The following MCPH1 variants were observed in gnomAD, a reference collection of about 807,000 sequenced individuals.
The protein encoded by MCPH1 is microcephalin.
Under a neutral mutation model 84.5 loss-of-function variants are expected in MCPH1, and 104 were observed. The ratio of observed to expected loss-of-function variants is 1.23; its 90% CI spans 1.05 to 1.45. MCPH1 has a LOEUF of 1.45. Ranked by LOEUF, MCPH1 falls within the 40% of genes most tolerant of loss-of-function variation. The pLI, the probability that MCPH1 is intolerant of heterozygous loss-of-function variation, is 0.00. For missense variants in MCPH1, 1,498 were observed against 1,005.7 expected, an observed-to-expected ratio of 1.49 and a Z score of -6.62; for synonymous variants, 514 against 366.8, an observed-to-expected ratio of 1.40 and a Z score of -4.58.
At chr8:6,632,622 A>G (rs1448705518) in intron 13 of MCPH1, among the ~76,000 whole-genome samples, 2 of 152,168 alleles carry the variant, frequency 1.3e-5, no homozygotes, top group Non-Finnish European at 2.9e-5. Flanking sequence ...ATCCTGGCTA[A>G]CACAGTGAAA....
chr8:6,636,042 T>C (rs1272303868), intron 13 of MCPH1, among the ~76,000 whole-genome samples: 2 of 152,168 alleles, frequency 1.3e-5, no homozygotes, highest in Non-Finnish European at 2.9e-5. Flanking sequence ...TAGTAGCATA[T>C]AAATTCAGAG....
At chr8:6,416,981 C>T (rs1285327044) in intron 3 of MCPH1, among the ~76,000 whole-genome samples, 3 of 148,090 alleles carry the variant, frequency 2.0e-5, no homozygotes, top group Admixed American at 6.7e-5. Context: ...GCGACAAGAG[C>T]GGGGAAAAAA....
At chr8:6,563,485 A>T (rs1825851533) in intron 12 of MCPH1, 2 of 152,550 alleles carry the variant, frequency 1.3e-5, no homozygotes, top group African/African-American at 4.8e-5. Context: ...GCACCACCCC[A>T]ATTAAGTATT....
At chr8:6,475,934 C>G (rs903189917) in intron 9 of MCPH1, among the ~76,000 whole-genome samples, 2 of 152,132 alleles carry the variant, frequency 1.3e-5, no homozygotes, top group African/African-American at 4.8e-5. Context: ...AGGCAGATCC[C>G]TGGATCAACC....
At chr8:6,509,848 G>A (rs1218205874) in intron 12 of MCPH1, among the ~76,000 whole-genome samples, 7 of 152,156 alleles carry the variant, frequency 4.6e-5, no homozygotes, top group South Asian at 2.1e-4. Context: ...TTGGCAACAC[G>A]GTGCACGCAG....
At chr8:6,407,333 G>T (rs970536288) in intron 1 of MCPH1, among the ~76,000 whole-genome samples, 7 of 151,950 alleles carry the variant, frequency 4.6e-5, no homozygotes, top group Non-Finnish European at 1.0e-4. Context: ...TTTTTTAACC[G>T]CTCTATCAAC....
At chr8:6,458,750 T>C (rs375855488) in intron 9 of MCPH1, among the ~76,000 whole-genome samples, 20 of 152,256 alleles carry the variant, frequency 1.3e-4, no homozygotes, top group African/African-American at 4.1e-4. Context: ...ATTTAAGCGA[T>C]TCTCCTGCCC....
chr8:6,504,462 G>T (rs1451903966), intron 12 of MCPH1, among the ~76,000 whole-genome samples: 1 of 151,960 alleles, frequency 6.6e-6, no homozygotes, highest in Non-Finnish European at 1.5e-5. Context: ...GTCTACATCC[G>T]GTCTCCTGAT....
intron 9 of MCPH1, among the ~76,000 whole-genome samples, chr8:6,457,724 C>G (rs576745115): frequency 3.9e-5 from 6 of 152,304 alleles, no homozygotes; most frequent in Non-Finnish European, 8.8e-5. Flanking sequence ...CTAGTGAGGG[C>G]GAAGAATCCA....
intron 13 of MCPH1, among the ~76,000 whole-genome samples, chr8:6,632,122 C>A (rs143600034): frequency 5.5e-4 from 83 of 152,238 alleles, no homozygotes; most frequent in Non-Finnish European, 9.6e-4. Context: ...ATAAGAGGAA[C>A]TTAGAATAGA....
chr8:6,476,073 G>A (rs972195775), intron 9 of MCPH1, among the ~76,000 whole-genome samples: 7 of 152,204 alleles, frequency 4.6e-5, no homozygotes, highest in African/African-American at 1.4e-4. Flanking sequence ...ATTCACTACA[G>A]TGGCATTTCC....
At chr8:6,604,836 T>C (rs1829635311) in intron 12 of MCPH1, among the ~76,000 whole-genome samples, 1 of 152,222 alleles carries the variant, frequency 6.6e-6, no homozygotes, top group African/African-American at 2.4e-5. Flanking sequence ...ACAAAACTTC[T>C]TAGAATTACC....
chr8:6,457,077 C>T (rs1275752846), intron 9 of MCPH1, among the ~76,000 whole-genome samples: 1 of 152,182 alleles, frequency 6.6e-6, no homozygotes, highest in African/African-American at 2.4e-5. Context: ...ACAAAATACA[C>T]AATTACAAAT....
At chr8:6,620,028 C>T (rs1831246610) in intron 12 of MCPH1, 2 of 152,164 alleles carry the variant, frequency 1.3e-5, no homozygotes, top group Admixed American at 1.3e-4. Context: ...CACCATTTGC[C>T]AAAGCAAATC....
At chr8:6,546,446 T>C (rs1822589374) in intron 12 of MCPH1, among the ~76,000 whole-genome samples, 1 of 152,258 alleles carries the variant, frequency 6.6e-6, no homozygotes, top group Non-Finnish European at 1.5e-5. Flanking sequence ...GTGTCCAATT[T>C]GATTCCAAAG....
At chr8:6,551,385 CTG>C (rs149096245) in intron 12 of MCPH1, among the ~76,000 whole-genome samples, 12,437 of 152,098 alleles carry the variant, frequency 0.082, 1,488 homozygotes, top group African/African-American at 0.27. Flanking sequence ...AATTATGTAA[CTG>C]TAAACAAATT....
rs540711816 is a variant in MCPH1, at chr8:6,600,322, T to C, written c.2215-21132T>C. On this transcript the variant is annotated intron_variant, in intron 12 of 13. Coordinates refer to ENST00000344683, the MANE Select transcript of MCPH1 (RefSeq NM_024596.5). ...GGTCCCCAGCAGGGATGCCAGACCT[T>C]CTCTAGCTGGCCGTGGGTGCTGGCC... Among the ~76,000 whole-genome samples the C allele has an allele frequency of 3.9e-5, 6 of 152,340 alleles. No individual in the cohort carries two copies. In the East Asian group the frequency reaches 1.2e-3, roughly 29 times the overall value.
chr8:6,442,642 A>C (rs867071469), intron 7 of MCPH1, among the ~76,000 whole-genome samples: 2 of 152,238 alleles, frequency 1.3e-5, no homozygotes, highest in Admixed American at 6.5e-5. Context: ...TGTTACGCAC[A>C]TACATGTTTG....
At chr8:6,435,678 G>A (rs1179716783) in intron 4 of MCPH1, among the ~76,000 whole-genome samples, 1 of 152,144 alleles carries the variant, frequency 6.6e-6, no homozygotes, top group Non-Finnish European at 1.5e-5. Context: ...AGGGGCCGTG[G>A]CAATTAAACA....
Sources: gnomAD v4.1 joint callset for allele counts (sites outside exome capture counted in the v4.1 genomes callset) on GRCh38, gnomAD v4.1.1 for gene constraint, MANE v1.5 for transcripts, NCBI Gene and HGNC (gene_info 2026-07-23, HGNC 2026-07-21) for gene names.